Variants in KLHL5 observed in about 807,000 individuals in gnomAD.
KLHL5 encodes the protein kelch like family member 5, also known as kelch-like protein 5.
Under a neutral mutation model 77.7 loss-of-function variants are expected in KLHL5, and 48 were observed. That is an observed-to-expected ratio of 0.62 (90% CI 0.49 to 0.79). KLHL5 has a LOEUF of 0.79. KLHL5 is among the 30% of genes least tolerant of loss of function. The pLI is 0.00. For synonymous variants in KLHL5, 260 were observed against 297.0 expected (o/e 0.88, Z 1.28); for missense variants, 723 against 859.7 (o/e 0.84, Z 1.99).
the KLHL5 span, among the ~76,000 whole-genome samples, chr4:39,137,036 T>G: frequency 6.6e-6 from 1 of 152,228 alleles, no homozygotes; most frequent in Non-Finnish European, 1.5e-5. Context: ...GACAAGGTTT[T>G]CACTGTTGGA....
chr4:39,054,087 T>C (rs1716848096), intron 1 of KLHL5, among the ~76,000 whole-genome samples: 1 of 152,236 alleles, frequency 6.6e-6, no homozygotes, highest in South Asian at 2.1e-4. Context: ...TACTTGCTTT[T>C]AGTTTGGTCA....
intron 1 of KLHL5, among the ~76,000 whole-genome samples, chr4:39,050,613 G>T (rs2711960): frequency 0.73 from 110,724 of 151,836 alleles, 40,502 homozygotes; most frequent in East Asian, 0.82. Context: ...ATCTAAAAAT[G>T]TTTAAGTGCA....
In KLHL5 at chr4:39,062,416, C is replaced by G. The variant is rs533931463; in HGVS notation, c.-237C>G. On this transcript the variant is annotated 5_prime_UTR_variant, in exon 1 of 11. Coordinates refer to ENST00000504108, the MANE Select transcript of KLHL5 (RefSeq NM_015990.5). ...CAGGATAGGTGGATGAGAGTTTGCT[C>G]TGATTGAACGGAATGTTCCACCGTG... 5 of 1,487,064 alleles carry G rather than the reference C, an allele frequency of 3.4e-6. No individual in the cohort carries two copies. In the South Asian group the frequency reaches 5.6e-5, roughly 17 times the overall value. 92.1% of individuals were successfully genotyped at this position (1,487,064 alleles called of 1,614,324 possible). A position where few individuals can be genotyped will look rare whatever the true frequency, so the allele number is the denominator to read the frequency against.
intron 1 of KLHL5, among the ~76,000 whole-genome samples, chr4:39,065,232 A>G (rs113061228): frequency 0.022 from 3,302 of 152,244 alleles, 79 homozygotes; most frequent in South Asian, 0.028. Context: ...CTTTGTCATA[A>G]AGATACATTT....
At chr4:39,138,545 TA>T in the KLHL5 span, among the ~76,000 whole-genome samples, 2 of 152,094 alleles carry the variant, frequency 1.3e-5, no homozygotes, top group East Asian at 3.9e-4. Flanking sequence ...AAGTAGGAGC[TA>T]AATGATGAGA....
At chr4:39,089,903 T>C (rs574205418) in intron 5 of KLHL5, among the ~76,000 whole-genome samples, 2 of 152,340 alleles carry the variant, frequency 1.3e-5, no homozygotes, top group African/African-American at 4.8e-5. Flanking sequence ...CACATTGCCT[T>C]GTATAATTTA....
At chr4:39,096,989 G>A in intron 6 of KLHL5, 111 bp downstream of exon 6, 1 of 853,392 alleles carries the variant, frequency 1.2e-6, no homozygotes, top group Non-Finnish European at 1.9e-6. Context: ...CAGGACAGGG[G>A]CAGAAAAAGT....
intron 1 of KLHL5, among the ~76,000 whole-genome samples, chr4:39,065,048 G>A (rs796358767): frequency 7.9e-5 from 12 of 152,124 alleles, no homozygotes; most frequent in African/African-American, 2.7e-4. Flanking sequence ...ATATGTCAAA[G>A]GAATTTAATA....
At chr4:39,117,083 C>A (rs1301168982) in intron 10 of KLHL5, among the ~76,000 whole-genome samples, 2 of 152,178 alleles carry the variant, frequency 1.3e-5, no homozygotes, top group Non-Finnish European at 2.9e-5. Context: ...GATCCACCCA[C>A]CTTGGCCTCT....
chr4:39,072,717 T>G (rs1359056044), intron 1 of KLHL5, among the ~76,000 whole-genome samples: 3 of 152,192 alleles, frequency 2.0e-5, no homozygotes, highest in Non-Finnish European at 4.4e-5. Context: ...TAATTCTCTT[T>G]TCCTATTATA....
At position 39,109,689 on chromosome 4, in the gene KLHL5, A is replaced by G. The variant is rs187147572; in HGVS notation, c.1688+1958A>G. On this transcript the variant is annotated intron_variant, in intron 8 of 10. Coordinates refer to ENST00000504108, the MANE Select transcript of KLHL5 (RefSeq NM_015990.5). ...GGGGAAGTGGACAGACTCTTGCTCT[A>G]TCTCCCAGGCTAGAGGGCAGTGGGC... Among the ~76,000 whole-genome samples the G allele has an allele frequency of 5.4e-3, 674 of 125,862 alleles. 4 individuals carry two copies. The highest frequency in any genetic ancestry group is 7.1e-3 in the Non-Finnish European group (437 of 61,604). 82.6% of individuals were successfully genotyped at this position (125,862 alleles called of 152,430 possible).
intron 10 of KLHL5, among the ~76,000 whole-genome samples, chr4:39,117,514 A>G (rs1722924510): frequency 6.6e-6 from 1 of 152,154 alleles, no homozygotes; most frequent in Non-Finnish European, 1.5e-5. Context: ...GAAGCATTCA[A>G]TGTAGATGGA....
In KLHL5 at chr4:39,125,916, G is replaced by C. The variant is rs939850759; in HGVS notation, c.*4850G>C. On this transcript the variant is annotated 3_prime_UTR_variant, in exon 11 of 11. Transcript: ENST00000504108. ...CAATAGCATTCTGTACGCTTCACTA[G>C]GATAAAAACTTCGGATTTATATGCA... Among the ~76,000 whole-genome samples, 3 of 152,114 alleles carry C rather than the reference G, an allele frequency of 2.0e-5. No homozygotes were observed. The highest frequency in any genetic ancestry group is 6.5e-5 in the Admixed American group (1 of 15,270).
chr4:39,126,807 A>G (rs539293891), downstream of KLHL5: 7 of 442,588 alleles, frequency 1.6e-5, no homozygotes, highest in Admixed American at 1.3e-4. Flanking sequence ...CTGCCCTATT[A>G]TCTAAAGCCG....
chr4:39,048,268 G>C (rs1716350314), intron 1 of KLHL5, among the ~76,000 whole-genome samples: 1 of 152,160 alleles, frequency 6.6e-6, no homozygotes, highest in African/African-American at 2.4e-5. Context: ...TTCGGTTCTT[G>C]TGTTCGGATG....
chr4:39,075,327 G>A (rs28396613), intron 1 of KLHL5, among the ~76,000 whole-genome samples: 4,206 of 98,890 alleles, frequency 0.043, 170 homozygotes, highest in African/African-American at 0.14. Context: ...GCGAAATTCC[G>A]TCTCAAACAA....
intron 1 of KLHL5, among the ~76,000 whole-genome samples, chr4:39,055,490 C>T (rs1292895969): frequency 6.6e-6 from 1 of 152,154 alleles, no homozygotes; most frequent in African/African-American, 2.4e-5. Context: ...ACAAAGGACC[C>T]AAACTCAGTA....
chr4:39,120,585 T>C (rs1170794864), intron 10 of KLHL5, among the ~76,000 whole-genome samples: 2 of 152,256 alleles, frequency 1.3e-5, no homozygotes, highest in Admixed American at 1.3e-4. Context: ...GAGTATTTTG[T>C]GTGCTACCTC....
chr4:39,096,732 A>C lies in KLHL5; in HGVS notation c.1154A>C (p.Asp385Ala). Reference protein sequence around the residue: ...DMENNVLFRDDIECQKLIMEA... With the variant: ...DMENNVLFRDAIECQKLIMEA... ...GAAAATAATGTACTTTTTCGGGATG[A>C]TATAGAATGTCAGAAACTCATTATG... is the stretch of plus-strand genomic sequence containing the variant. The change falls in exon 6 of 11, where the codon GAT (aspartate) becomes GCT (alanine). Residue 385 changes from aspartate (D) to alanine (A), a missense_variant. Physicochemically the swap from Asp to Ala is moderately radical, Grantham distance 126. Around this residue, in one of 3 missense-constraint regions of KLHL5, gnomAD observed 288 missense variants for 400.3 expected, o/e 0.72. Transcript: ENST00000504108. 2 of 1,613,232 alleles carry C rather than the reference A, an allele frequency of 1.2e-6. No individual in the cohort carries two copies. Among genetic ancestry groups the C allele is most frequent in the Non-Finnish European group, 1.7e-6 (2 of 1,179,244 alleles).
Sources: gnomAD v4.1 joint callset for allele counts (sites outside exome capture counted in the v4.1 genomes callset) on GRCh38, gnomAD v4.1.1 for gene constraint, gnomAD v4.1.1 regional missense constraint, MANE v1.5 for transcripts, NCBI Gene and HGNC (gene_info 2026-07-23, HGNC 2026-07-21) for gene names.